Variants in NALF1 observed in about 807,000 individuals in gnomAD.
NALF1 encodes family with sequence similarity 155 member A.
NALF1 carries 3 observed loss-of-function variants against 48.4 expected under a neutral mutation model. That is an observed-to-expected ratio of 0.06 (90% CI 0.03 to 0.16). The LOEUF (loss-of-function observed/expected upper bound fraction) is 0.16. Ranked by LOEUF, NALF1 falls within the 10% of genes least tolerant of loss-of-function variation. The pLI, the probability that NALF1 is intolerant of heterozygous loss-of-function variation, is 1.00. For missense variants in NALF1, 526 were observed against 571.5 expected (o/e 0.92, Z 0.81); for synonymous variants, 262 against 245.7 (o/e 1.07, Z -0.62).
At chr13:107,829,265 T>C (rs1879633774) in intron 1 of NALF1, among the ~76,000 whole-genome samples, 1 of 152,198 alleles carries the variant, frequency 6.6e-6, no homozygotes, top group East Asian at 1.9e-4. Context: ...ACACTATACC[T>C]AGGAAACACC....
At chr13:107,580,182 C>T (rs9514704) in intron 1 of NALF1, among the ~76,000 whole-genome samples, 24,188 of 151,750 alleles carry the variant, frequency 0.16, 2,389 homozygotes, top group Middle Eastern at 0.26. Context: ...TCATTCTCAG[C>T]AAACTATCAC....
rs1487367851 is a variant in NALF1 at position 107,329,884 on chromosome 13, C to T, written c.916-119129G>A. Among the ~76,000 whole-genome samples the T allele has an allele frequency of 3.3e-5, 5 of 152,094 alleles. No homozygotes were observed. The East Asian group carries it at 9.7e-4, about 29-fold the overall frequency. On this transcript the variant is annotated intron_variant, in intron 1 of 2. Coordinates refer to ENST00000375915, the MANE Select transcript of NALF1 (RefSeq NM_001080396.3). Reference sequence around the variant, plus strand: ...TACTTTTCCAGAGAAAGAAATTGTCCTTACAGATTTTATTGCCTAACTTTA... The same window carrying T: ...TACTTTTCCAGAGAAAGAAATTGTCTTTACAGATTTTATTGCCTAACTTTA...
At chr13:107,357,426 C>T (rs1255944642) in intron 1 of NALF1, among the ~76,000 whole-genome samples, 1 of 152,114 alleles carries the variant, frequency 6.6e-6, no homozygotes, top group African/African-American at 2.4e-5. Flanking sequence ...ATAGGGATTA[C>T]AATTCAAGAT....
intron 1 of NALF1, among the ~76,000 whole-genome samples, chr13:107,519,525 C>A (rs7993322): frequency 6.6e-6 from 1 of 151,914 alleles, no homozygotes; most frequent in Non-Finnish European, 1.5e-5. Flanking sequence ...AGCACTCAGT[C>A]CATGGTTTAT....
chr13:107,773,788 T>C (rs144751461), intron 1 of NALF1, among the ~76,000 whole-genome samples: 41 of 149,164 alleles, frequency 2.7e-4, no homozygotes, highest in African/African-American at 9.6e-4. Context: ...AAATGACGAG[T>C]AAATGGGTGT....
At chr13:107,844,874 AC>A (rs1442763000) in intron 1 of NALF1, among the ~76,000 whole-genome samples, 1 of 152,172 alleles carries the variant, frequency 6.6e-6, no homozygotes, top group Non-Finnish European at 1.5e-5. Context: ...AGGCCTGGAT[AC>A]CCAACAGTTG....
intron 1 of NALF1, among the ~76,000 whole-genome samples, chr13:107,317,392 G>A (rs1355583695): frequency 6.6e-6 from 1 of 151,936 alleles, no homozygotes; most frequent in African/African-American, 2.4e-5. Flanking sequence ...CATTGAGAGA[G>A]GTATTGACTT....
chr13:107,364,868 T>C (rs1199013702), intron 1 of NALF1, among the ~76,000 whole-genome samples: 1 of 152,016 alleles, frequency 6.6e-6, no homozygotes, highest in African/African-American at 2.4e-5. Context: ...TATCTGATTC[T>C]GTGAACAACT....
intron 1 of NALF1, among the ~76,000 whole-genome samples, chr13:107,616,142 G>A (rs1009304791): frequency 6.6e-6 from 1 of 152,104 alleles, no homozygotes; most frequent in Non-Finnish European, 1.5e-5. Flanking sequence ...AAACAAGATG[G>A]AAACTTCCTG....
chr13:107,615,062 C>A (rs922991844), intron 1 of NALF1, among the ~76,000 whole-genome samples: 2 of 152,186 alleles, frequency 1.3e-5, no homozygotes, highest in African/African-American at 4.8e-5. Context: ...CAGGTATGAG[C>A]CACTGTGCCT....
chr13:107,383,314 C>T (rs2138975892), intron 1 of NALF1, among the ~76,000 whole-genome samples: 1 of 152,182 alleles, frequency 6.6e-6, no homozygotes, highest in Non-Finnish European at 1.5e-5. Context: ...GGTTTTATAA[C>T]CTGAAAATGA....
rs925133749 is a variant in NALF1, at chr13:107,176,368, T to A, written c.1088-5582A>T. ...AATTAAATAATACACATGGGCTGGA[T>A]GCGGTGGCTCATGCCTGTAATCCCA... On this transcript the variant is annotated intron_variant, in intron 2 of 2. Coordinates refer to ENST00000375915, the MANE Select transcript of NALF1 (RefSeq NM_001080396.3). Among the ~76,000 whole-genome samples the A allele has an allele frequency of 7.6e-5, 11 of 145,652 alleles. No homozygotes were observed. In the South Asian group the frequency reaches 2.2e-3, roughly 30 times the overall value.
intron 1 of NALF1, among the ~76,000 whole-genome samples, chr13:107,566,740 G>A (rs56356387): frequency 6.6e-5 from 10 of 152,100 alleles, no homozygotes; most frequent in Non-Finnish European, 1.2e-4. Context: ...ATTTTTTTCC[G>A]ATTTCCAATT....
intron 2 of NALF1, among the ~76,000 whole-genome samples, chr13:107,182,843 T>A (rs1254806620): frequency 6.6e-6 from 1 of 152,168 alleles, no homozygotes; most frequent in Non-Finnish European, 1.5e-5. Context: ...TTTATTTCTG[T>A]CTTATTTGGG....
chr13:107,534,116 G>A (rs541311685), intron 1 of NALF1, among the ~76,000 whole-genome samples: 1 of 152,096 alleles, frequency 6.6e-6, no homozygotes, highest in African/African-American at 2.4e-5. Flanking sequence ...AGCATCACTT[G>A]GAAATGTGTG....
intron 1 of NALF1, among the ~76,000 whole-genome samples, chr13:107,277,624 T>G (rs1339134195): frequency 6.6e-6 from 1 of 152,232 alleles, no homozygotes; most frequent in Admixed American, 6.5e-5. Context: ...AAGGGTTTTC[T>G]AAGGCCAATG....
At chr13:107,746,132 T>G (rs1324947408) in intron 1 of NALF1, among the ~76,000 whole-genome samples, 1 of 152,158 alleles carries the variant, frequency 6.6e-6, no homozygotes, top group African/African-American at 2.4e-5. Context: ...AACAACCAAT[T>G]TATTGTTAAT....
chr13:107,378,393 C>G (rs1214780901), intron 1 of NALF1, among the ~76,000 whole-genome samples: 1 of 148,488 alleles, frequency 6.7e-6, no homozygotes, highest in Non-Finnish European at 1.5e-5. Flanking sequence ...TTTGGAGAGA[C>G]ATATATATAT....
chr13:107,593,048 TTACTC>T (rs1284503268), intron 1 of NALF1, among the ~76,000 whole-genome samples: 1 of 151,862 alleles, frequency 6.6e-6, no homozygotes, highest in Non-Finnish European at 1.5e-5. Context: ...TTTAATATAT[TTACTC>T]TAACTGCATT....
Sources: allele counts gnomAD v4.1 joint callset (sites outside exome capture counted in the v4.1 genomes callset), GRCh38; gene constraint gnomAD v4.1.1; transcripts MANE v1.5; gene names NCBI Gene and HGNC (gene_info 2026-07-23, HGNC 2026-07-21).